Variants in PGR observed in about 807,000 individuals in gnomAD.
The protein encoded by PGR is nuclear receptor subfamily 3 group C member 3.
A neutral mutation model predicts 76.1 loss-of-function variants in PGR; 25 were observed. The ratio of observed to expected loss-of-function variants is 0.33; its 90% CI spans 0.24 to 0.46. The LOEUF (loss-of-function observed/expected upper bound fraction) is 0.46, where lower values mean the gene tolerates loss of function less well. Ranked by LOEUF, PGR falls within the 20% of genes least tolerant of loss-of-function variation. The probability of loss-of-function intolerance (pLI) is 1.00; values close to 1 mark genes in which losing one functional copy is unlikely to be tolerated. For synonymous variants in PGR, 579 were observed against 535.0 expected, an observed-to-expected ratio of 1.08 and a Z score of -1.14; for missense variants, 1,172 against 1,225.3, an observed-to-expected ratio of 0.96 and a Z score of 0.65.
chr11:101,127,353 GGGCTGA>G, intron 1 of PGR, 75 bp downstream of exon 1: 1 of 1,109,292 alleles, frequency 9.0e-7, no homozygotes, highest in Non-Finnish European at 1.2e-6. Flanking sequence ...GCTGGGGCTG[GGGCTGA>G]GGGTTGGCGG....
intron 7 of PGR, among the ~76,000 whole-genome samples, chr11:101,041,158 C>T (rs1859682561): frequency 1.3e-5 from 2 of 151,224 alleles, no homozygotes; most frequent in South Asian, 4.2e-4. Flanking sequence ...CTTCAAGTTT[C>T]TTTTTATTTT....
intron 4 of PGR, among the ~76,000 whole-genome samples, chr11:101,058,987 C>T (rs768892110): frequency 6.6e-6 from 1 of 152,130 alleles, no homozygotes; most frequent in African/African-American, 2.4e-5. Flanking sequence ...GCTTTAATTA[C>T]TACCCTATGG....
At chr11:101,124,273 A>G (rs1262003976) in intron 2 of PGR, among the ~76,000 whole-genome samples, 2 of 152,208 alleles carry the variant, frequency 1.3e-5, no homozygotes, top group Non-Finnish European at 2.9e-5. Flanking sequence ...TTTGGATGCT[A>G]TTCTAACAAA....
intron 3 of PGR, among the ~76,000 whole-genome samples, chr11:101,085,524 C>CGAAAA (rs1861463966): frequency 7.0e-5 from 1 of 14,308 alleles, no homozygotes; most frequent in Admixed American, 7.7e-4. Context: ...CCTAGAGGAA[C>CGAAAA]TAAAAAAAAA....
rs1859566723 is a variant in PGR at position 101,037,991 on chromosome 11, G to A, written c.*1125C>T. ...CAAATTACTGCTTGGAAGACTCAGGGAAGATTTTACAGAAATGACATTTGG... is the reference window on the plus strand; with the variant it reads ...CAAATTACTGCTTGGAAGACTCAGGAAAGATTTTACAGAAATGACATTTGG... On this transcript the variant is annotated 3_prime_UTR_variant, in exon 8 of 8. Transcript: ENST00000325455. The A allele has an allele frequency of 6.7e-5, 14 of 210,346 alleles. No homozygotes were observed. The South Asian group carries it at 2.4e-3, about 37-fold the overall frequency. 13.0% of individuals were successfully genotyped at this position (210,346 alleles called of 1,614,324 possible).
At position 101,040,088 on chromosome 11, in the gene PGR, T is replaced by A. The variant is rs1859648108; in HGVS notation, c.2647-817A>T. On this transcript the variant is annotated intron_variant, in intron 7 of 7. Transcript: ENST00000325455. The stretch of plus-strand genomic sequence containing the variant: ...TAAAGATTTTTTTATGGTTTTCTGC[T>A]GGATTGCATCTCCATTCTTACGACT... 2.6e-5 allele frequency among the ~76,000 whole-genome samples: 4 copies of A among 152,072 alleles called. No individual in the cohort carries two copies. The South Asian group carries it at 8.3e-4, about 31-fold the overall frequency.
At chr11:101,063,737 T>C (rs1860597675) in intron 3 of PGR, 1 of 152,228 alleles carries the variant, frequency 6.6e-6, no homozygotes, top group South Asian at 2.1e-4. Flanking sequence ...TATCTGATCA[T>C]GCCCATAGAT....
At chr11:101,109,327 C>G (rs917903222) in intron 2 of PGR, among the ~76,000 whole-genome samples, 5 of 152,170 alleles carry the variant, frequency 3.3e-5, no homozygotes, top group Admixed American at 6.5e-5. Flanking sequence ...AGCTAGGCCT[C>G]TTGCACCAGT....
At chr11:101,113,571 A>G (rs893568336) in intron 2 of PGR, among the ~76,000 whole-genome samples, 2 of 152,048 alleles carry the variant, frequency 1.3e-5, no homozygotes, top group East Asian at 1.9e-4. Flanking sequence ...CACCCGGCCT[A>G]TATATCTTCT....
In PGR at chr11:101,043,773, G is replaced by A. The variant is rs541511977; in HGVS notation, c.2489-1671C>T. Among the ~76,000 whole-genome samples the A allele has an allele frequency of 5.9e-5, 9 of 152,298 alleles. 1 individual carries two copies. The South Asian group carries it at 1.9e-3, about 32-fold the overall frequency. ...GAGCTCTTGGCTGACTAGGTGCATT[G>A]TCAATGAGCAATAATATTTGAAAGT... On this transcript the variant is annotated intron_variant, in intron 6 of 7. Transcript: ENST00000325455.
At chr11:101,050,407 G>T (rs757786790) in intron 5 of PGR, among the ~76,000 whole-genome samples, 16 of 152,038 alleles carry the variant, frequency 1.1e-4, no homozygotes, top group Non-Finnish European at 2.1e-4. Flanking sequence ...GCTGAAGAAT[G>T]CTCAGAAATG....
intron 7 of PGR, among the ~76,000 whole-genome samples, chr11:101,040,939 T>C (rs939236356): frequency 9.2e-5 from 14 of 152,134 alleles, no homozygotes; most frequent in African/African-American, 3.1e-4. Flanking sequence ...TTTTGATCTT[T>C]TATTTTTCCT....
chr11:101,127,985 C>T lies in PGR; in HGVS notation c.1086G>A (p.Ala362=), dbSNP rs142077957. ...PVAVGDFPDC[A]YPPDAEPKDD... ...CCTTGGGCTCGGCGTCGGGCGGGTA[C>T]GCGCAGTCGGGGAAGTCGCCTACAG... Residue 362 remains alanine, a synonymous_variant, in exon 1 of 8, where the codon GCG becomes GCA. Transcript: ENST00000325455. The T allele has an allele frequency of 1.9e-6, 3 of 1,611,832 alleles. No individual in the cohort carries two copies. Among genetic ancestry groups the T allele is most frequent in the Non-Finnish European group, 1.7e-6 (2 of 1,179,872 alleles).
At chr11:101,120,431 A>C (rs550730386) in intron 2 of PGR, among the ~76,000 whole-genome samples, 26 of 152,334 alleles carry the variant, frequency 1.7e-4, no homozygotes, top group African/African-American at 6.3e-4. Context: ...AAAGAGAAGC[A>C]AGACATGTAC....
intron 3 of PGR, among the ~76,000 whole-genome samples, chr11:101,085,682 A>G (rs1295068015): frequency 6.6e-6 from 1 of 152,058 alleles, no homozygotes; most frequent in African/African-American, 2.4e-5. Flanking sequence ...AGGATAAATA[A>G]GATTGATAGA....
rs760920621 is a variant in PGR at position 101,129,031 on chromosome 11, C to A, written c.40G>T (p.Val14Leu). 5.1e-6 allele frequency: 8 copies of A among 1,565,740 alleles called. No individual in the cohort carries two copies. The highest frequency in any genetic ancestry group is 1.7e-4 in the Middle Eastern group (1 of 5,922). The change falls in exon 1 of 8, where the codon GTG (valine) becomes TTG (leucine). Residue 14 changes from valine (V) to leucine (L), a missense_variant. By Grantham distance (32) the Val-to-Leu change is conservative (BLOSUM62 1). This residue lies in a region of PGR where 893 missense variants were observed against 785.9 expected (regional missense o/e 1.14). Coordinates refer to ENST00000325455, the MANE Select transcript of PGR (RefSeq NM_000926.4). ...TCGGGGGAGGGCGGGCCGCCCGCCA[C>A]GTGGGGAGCCCGGGGACCCTTTGCC... ...LKAKGPRAPH[V>L]AGGPPSPEVG...
At chr11:101,103,639 A>G (rs1297904578) in intron 2 of PGR, among the ~76,000 whole-genome samples, 1 of 152,162 alleles carries the variant, frequency 6.6e-6, no homozygotes, top group Admixed American at 6.5e-5. Context: ...ATTTTTGCCA[A>G]TCTCAGCATT....
intron 6 of PGR, among the ~76,000 whole-genome samples, chr11:101,044,061 A>G (rs1386269666): frequency 6.6e-6 from 1 of 152,202 alleles, no homozygotes; most frequent in Non-Finnish European, 1.5e-5. Flanking sequence ...TGAAGCTTTG[A>G]AGACAGACAT....
At position 101,129,188 on chromosome 11, in the gene PGR, G is replaced by T. The variant is rs575613031; in HGVS notation, c.-118C>A. Reference sequence around the variant, plus strand: ...GAGAAAGTGGGTGTTGAATGTGGCTGGACCGGAGGGATCTCCACCTCCTGG... The same window carrying T: ...GAGAAAGTGGGTGTTGAATGTGGCTTGACCGGAGGGATCTCCACCTCCTGG... On this transcript the variant is annotated 5_prime_UTR_variant, in exon 1 of 8. Coordinates refer to ENST00000325455, the MANE Select transcript of PGR (RefSeq NM_000926.4). 6 of 352,444 alleles carry T rather than the reference G, an allele frequency of 1.7e-5. No homozygotes were observed. The highest frequency in any genetic ancestry group is 1.2e-4 in the East Asian group (1 of 8,546). The allele number at this position is 352,444 out of a possible 1,614,324, so 21.8% of individuals were successfully genotyped here.
Sources: gnomAD v4.1 joint callset for allele counts (sites outside exome capture counted in the v4.1 genomes callset) on GRCh38, gnomAD v4.1.1 for gene constraint, gnomAD v4.1.1 regional missense constraint, MANE v1.5 for transcripts, NCBI Gene and HGNC (gene_info 2026-07-23, HGNC 2026-07-21) for gene names.